Variants in TKFC observed in about 807,000 individuals in gnomAD.
TKFC encodes triokinase/FMN cyclase.
A neutral mutation model predicts 61.0 loss-of-function variants in TKFC; 46 were observed. That is an observed-to-expected ratio of 0.75 (90% CI 0.60 to 0.96). The LOEUF (loss-of-function observed/expected upper bound fraction) is 0.96. TKFC is among the 50% of genes least tolerant of loss of function. The pLI, the probability that TKFC is intolerant of heterozygous loss-of-function variation, is 0.00. For missense variants in TKFC, 715 were observed against 777.5 expected (o/e 0.92, Z 0.96); for synonymous variants, 314 against 330.1 (o/e 0.95, Z 0.53).
downstream of TKFC, chr11:61,353,423 C>A (rs549357173): frequency 1.5e-5 from 9 of 610,344 alleles, no homozygotes; most frequent in Non-Finnish European, 2.7e-5. Flanking sequence ...ACTCTTCACT[C>A]GCACAGGCCT....
At chr11:61,334,868 T>TC (rs1258113745) in intron 2 of TKFC, 137 bp downstream of exon 2, 2 of 1,298,768 alleles carry the variant, frequency 1.5e-6, no homozygotes, top group African/African-American at 2.9e-5. Context: ...AGAGAGAGGG[T>TC]CATCCTCTCT....
chr11:61,346,319 C>T lies in TKFC; in HGVS notation c.1576-32C>T. ...GGAAGGAGGCGGCCTGGTGATCTGC[C>T]CTTGAACCTGCTCCCACACCCCATC... On this transcript the variant is annotated intron_variant, in intron 17 of 17. Coordinates refer to ENST00000394900, the MANE Select transcript of TKFC (RefSeq NM_015533.4). The surrounding 1 kb of genome is among the most constrained non-coding windows in gnomAD (Gnocchi z 4.1). 1 of 1,610,914 alleles carries T rather than the reference C, an allele frequency of 6.2e-7. No homozygotes were observed. Among genetic ancestry groups the T allele is most frequent in the Non-Finnish European group, 8.5e-7 (1 of 1,179,966 alleles).
chr11:61,345,591 C>G (rs576484609), intron 15 of TKFC, 26 bp downstream of exon 15: 10 of 1,611,788 alleles, frequency 6.2e-6, no homozygotes, highest in Non-Finnish European at 7.6e-6. Context: ...GTGCATCAGA[C>G]CAGGGGTGGG....
In TKFC at chr11:61,339,075, G is replaced by A. The variant is rs779842201; in HGVS notation, c.203G>A (p.Gly68Glu). ...GHEPAHAGFI[G>E]KGMLTGVIAG... ...CTCCTTCCACCTCCAGGTTTCATAG[G>A]GAAGGGGATGCTGACTGGGGTCATC... Residue 68 changes from glycine to glutamate, a missense_variant, in exon 4 of 18, where the codon GGG becomes GAG. Gly to Glu is a moderately conservative substitution (Grantham distance 98, BLOSUM62 -2). Transcript: ENST00000394900. 7 of 1,612,912 alleles carry A rather than the reference G, an allele frequency of 4.3e-6. No homozygotes were observed. The Admixed American group carries it at 8.3e-5, about 19-fold the overall frequency.
Position 61,339,294 on chromosome 11 carries a change from G to T in TKFC, c.345G>T (p.Arg115=), listed in dbSNP as rs1204815752. 6.2e-7 allele frequency: 1 copy of T among 1,613,840 alleles called. No homozygotes were observed. ...LLIVKNYTGD[R]LNFGLAREQA... ...TCGTGAAGAACTACACTGGGGATCG[G>T]CTCAACTTCGGCCTGGCCCGGGAGC... is the stretch of plus-strand genomic sequence containing the variant. The change falls in exon 5 of 18, where the codon CGG becomes CGT. Residue 115 remains arginine, a synonymous_variant. Coordinates refer to ENST00000394900, the MANE Select transcript of TKFC (RefSeq NM_015533.4).
Position 61,348,090 on chromosome 11 carries a change from C to A in TKFC, c.*1587C>A. ...TGTCGGCTGCACCATACGTCCCTGA[C>A]CACAAGGCATCCACGTGCACAGGAG... On this transcript the variant is annotated 3_prime_UTR_variant, in exon 18 of 18. Transcript: ENST00000394900. 1.0e-6 allele frequency: 1 copy of A among 985,460 alleles called. No individual in the cohort carries two copies. The highest frequency in any genetic ancestry group is 1.2e-6 in the Non-Finnish European group (1 of 829,956). The allele number at this position is 985,460 out of a possible 1,614,324, so 61.0% of individuals were successfully genotyped here.
chr11:61,340,173 G>A (rs1192640264), intron 5 of TKFC, among the ~76,000 whole-genome samples: 2 of 151,966 alleles, frequency 1.3e-5, no homozygotes, highest in Non-Finnish European at 2.9e-5. Flanking sequence ...CACCACGCCC[G>A]GCTAATTTTT....
rs74878556 is a variant in TKFC, at chr11:61,339,072, T to C, written c.200T>C (p.Ile67Thr). 866 of 1,612,392 alleles carry C rather than the reference T, an allele frequency of 5.4e-4. 8 individuals are homozygous for C. In the East Asian group the frequency reaches 0.012, roughly 22 times the overall value. The change falls in exon 4 of 18, where the codon ATA becomes ACA. Residue 67 changes from isoleucine (I) to threonine (T), a missense_variant. Ile to Thr is a moderately conservative substitution (Grantham distance 89). Coordinates refer to ENST00000394900, the MANE Select transcript of TKFC (RefSeq NM_015533.4). ...SGHEPAHAGFIGKGMLTGVIA... is the reference protein window; with the variant it reads ...SGHEPAHAGFTGKGMLTGVIA... ...CCACTCCTTCCACCTCCAGGTTTCA[T>C]AGGGAAGGGGATGCTGACTGGGGTC...
chr11:61,339,341 C>G lies in TKFC; in HGVS notation c.392C>G (p.Pro131Arg), dbSNP rs757985334. 2 of 1,613,846 alleles carry G rather than the reference C, an allele frequency of 1.2e-6. No homozygotes were observed. The highest frequency in any genetic ancestry group is 2.7e-5 in the African/African-American group (2 of 75,060). The change falls in exon 5 of 18, where the codon CCG becomes CGG. Residue 131 changes from proline (P) to arginine (R), a missense_variant. Pro to Arg is a moderately radical substitution (Grantham distance 103). Transcript: ENST00000394900. ...GAGCAGGCCCGGGCTGAAGGCATCC[C>G]GGTGGAGATGGTGGTGATTGGGGAC... ...AREQARAEGI[P>R]VEMVVIGDDS...
chr11:61,343,388 G>A lies in TKFC; in HGVS notation c.912G>A (p.Met304Ile), dbSNP rs139612838. The change falls in exon 11 of 18, where the codon ATG becomes ATA. Residue 304 changes from methionine to isoleucine, a missense_variant. Physicochemically the swap from Met to Ile is conservative, Grantham distance 10. Transcript: ENST00000394900. The stretch of plus-strand genomic sequence containing the variant: ...CCCGTGCCCTGGTGGGCACCTTCAT[G>A]TCAGCACTGGAGATGCCTGGCATTT... ...KIARALVGTF[M>I]SALEMPGISL... The A allele has an allele frequency of 1.7e-5, 28 of 1,614,168 alleles. No individual in the cohort carries two copies. The African/African-American group carries it at 2.9e-4, about 17-fold the overall frequency.
At chr11:61,342,003 C>T in intron 7 of TKFC, 91 bp downstream of exon 7, 1 of 1,259,396 alleles carries the variant, frequency 7.9e-7, no homozygotes. Flanking sequence ...CAACCTGGTC[C>T]TCTCCCCAGG....
intron 2 of TKFC, chr11:61,336,079 C>CCTA (rs2134977464): frequency 6.5e-6 from 1 of 153,346 alleles, no homozygotes; most frequent in East Asian, 1.9e-4. Flanking sequence ...TAGGCATGAG[C>CCTA]TACCACACCC....
At position 61,345,764 on chromosome 11, in the gene TKFC, G is replaced by A. The variant is rs2135060351; in HGVS notation, c.1485+19G>A. 6.2e-7 allele frequency: 1 copy of A among 1,614,222 alleles called. No individual in the cohort carries two copies. The highest frequency in any genetic ancestry group is 8.5e-7 in the Non-Finnish European group (1 of 1,180,046). On this transcript the variant is annotated intron_variant, in intron 16 of 17. Coordinates refer to ENST00000394900, the MANE Select transcript of TKFC (RefSeq NM_015533.4). ...GACTATGGTATGTACTCAGGCTGTG[G>A]CCTCAGACCTTTCTCCTTTTGGCCC...
At chr11:61,338,194 T>C in intron 3 of TKFC, 64 bp downstream of exon 3, 1 of 1,436,490 alleles carries the variant, frequency 7.0e-7, no homozygotes, top group East Asian at 2.4e-5. Flanking sequence ...GGGGGATCCT[T>C]AGTGCTGCCA....
chr11:61,345,007 A>G (rs571086628), intron 13 of TKFC, among the ~76,000 whole-genome samples: 1 of 152,292 alleles, frequency 6.6e-6, no homozygotes, highest in African/African-American at 2.4e-5. Context: ...GGCTAAGGAG[A>G]AAAAAACCAA....
chr11:61,341,405 C>G, intron 5 of TKFC, 31 bp from the exon 6 acceptor site: 1 of 1,551,078 alleles, frequency 6.4e-7, no homozygotes, highest in Non-Finnish European at 8.7e-7. Flanking sequence ...ATACCCTCCC[C>G]CCTGGGGCTT....
At chr11:61,342,050 G>A in intron 7 of TKFC, 138 bp downstream of exon 7, 3 of 840,346 alleles carry the variant, frequency 3.6e-6, no homozygotes, top group Middle Eastern at 3.6e-4. Flanking sequence ...TTGAGGCCCA[G>A]CCTGGGCCAA....
chr11:61,338,306 A>G (rs1012022262), intron 3 of TKFC, among the ~76,000 whole-genome samples, 176 bp downstream of exon 3: 2 of 152,150 alleles, frequency 1.3e-5, no homozygotes, highest in East Asian at 3.9e-4. Context: ...GCCTCTCTGA[A>G]TCTGTTTCTA....
chr11:61,344,221 C>G lies in TKFC; in HGVS notation c.1188C>G (p.Asp396Glu), dbSNP rs750298555. The G allele has an allele frequency of 6.2e-7, 1 of 1,612,806 alleles. No individual in the cohort carries two copies. Among genetic ancestry groups the G allele is most frequent in the Non-Finnish European group, 8.5e-7 (1 of 1,180,018 alleles). Residue 396 changes from aspartate to glutamate, a missense_variant, in exon 13 of 18, where the codon GAC becomes GAG. Asp to Glu is a conservative substitution (Grantham distance 45, BLOSUM62 2). Transcript: ENST00000394900. ...TGGAGGAACACCTGAATGCCCTGGA[C>G]CGGGCTGCTGGTGACGGCGACTGTG... ...LGLEEHLNAL[D>E]RAAGDGDCGT...
Sources: gnomAD v4.1 joint callset for allele counts (sites outside exome capture counted in the v4.1 genomes callset) on GRCh38, gnomAD v4.1.1 for gene constraint, Gnocchi (gnomAD v3.1) non-coding constraint, MANE v1.5 for transcripts, NCBI Gene and HGNC (gene_info 2026-07-23, HGNC 2026-07-21) for gene names.